PGR: variants seen among roughly 807,000 people sequenced by gnomAD.
PGR encodes the protein progesterone receptor.
PGR carries 25 observed loss-of-function variants against 76.1 expected under a neutral mutation model. The ratio of observed to expected loss-of-function variants is 0.33; its 90% CI spans 0.24 to 0.46. PGR has a LOEUF of 0.46. PGR is among the 20% of genes least tolerant of loss of function. PGR has a pLI of 1.00. For synonymous variants in PGR, 579 were observed against 535.0 expected (o/e 1.08, Z -1.14); for missense variants, 1,172 against 1,225.3 (o/e 0.96, Z 0.65).
intron 4 of PGR, among the ~76,000 whole-genome samples, chr11:101,057,802 G>A (rs1860345976): frequency 6.6e-6 from 1 of 152,140 alleles, no homozygotes; most frequent in Non-Finnish European, 1.5e-5. Context: ...ACTGGAAAAG[G>A]CCTTAGGTTT....
At chr11:101,092,202 T>G (rs1406726447) in intron 2 of PGR, among the ~76,000 whole-genome samples, 1 of 152,200 alleles carries the variant, frequency 6.6e-6, no homozygotes, top group Non-Finnish European at 1.5e-5. Flanking sequence ...TAGCTACACG[T>G]TTCTGATAAG....
At chr11:101,110,258 A>C (rs1217395424) in intron 2 of PGR, among the ~76,000 whole-genome samples, 1 of 152,224 alleles carries the variant, frequency 6.6e-6, no homozygotes, top group Non-Finnish European at 1.5e-5. Context: ...TCCTCTGATG[A>C]ATCTGGGCAA....
intron 4 of PGR, among the ~76,000 whole-genome samples, chr11:101,059,872 A>G (rs1860431149): frequency 6.6e-6 from 1 of 150,860 alleles, no homozygotes; most frequent in African/African-American, 2.4e-5. Context: ...GAAAAAAAAG[A>G]AAAGAAACAA....
At chr11:101,087,367 C>T (rs1409500093) in intron 3 of PGR, among the ~76,000 whole-genome samples, 1 of 152,134 alleles carries the variant, frequency 6.6e-6, no homozygotes, top group Non-Finnish European at 1.5e-5. Context: ...GCTGGGATAC[C>T]TACCTAGTCA....
rs948446042 is a variant in PGR, at chr11:101,030,571, C to T, written c.*8545G>A. The T allele has an allele frequency of 8.9e-6, 2 of 223,656 alleles. No homozygotes were observed. Among genetic ancestry groups the T allele is most frequent in the African/African-American group, 4.5e-5 (2 of 44,782 alleles). 13.9% of individuals were successfully genotyped at this position (223,656 alleles called of 1,614,324 possible). On this transcript the variant is annotated 3_prime_UTR_variant, in exon 8 of 8. Coordinates refer to ENST00000325455, the MANE Select transcript of PGR (RefSeq NM_000926.4). ...AATCTTTGTGTTTTTCTCTTTGGCACTGGACCTTTCTCCTGGTCAGTTGGA... is the reference window on the plus strand; with the variant it reads ...AATCTTTGTGTTTTTCTCTTTGGCATTGGACCTTTCTCCTGGTCAGTTGGA...
At position 101,041,941 on chromosome 11, in the gene PGR, T is replaced by A; in HGVS notation, c.2646+4A>T. ...TGATATTCTGGAATCAACCAAATAC[T>A]TACATCATGCAAGTTATCAAGAAGT... On this transcript the variant is annotated splice_donor_region_variant and intron_variant, in intron 7 of 7. Coordinates refer to ENST00000325455, the MANE Select transcript of PGR (RefSeq NM_000926.4). 1 of 1,611,540 alleles carries A rather than the reference T, an allele frequency of 6.2e-7. No homozygotes were observed. Among genetic ancestry groups the A allele is most frequent in the Non-Finnish European group, 8.5e-7 (1 of 1,177,892 alleles).
rs781160929 is a variant in PGR, at chr11:101,128,465, G to T, written c.606C>A (p.Ser202Arg). The T allele has an allele frequency of 1.9e-5, 30 of 1,608,560 alleles. No individual in the cohort carries two copies. In the East Asian group the frequency reaches 5.8e-4, roughly 31 times the overall value. ...TCACTGGGGCCCCGGACCAGTGAGG[G>T]CTCTCAGAGGCCGGGAGCAGCAGCT... is the stretch of plus-strand genomic sequence containing the variant. ...ARQLLLPASESPHWSGAPVKP... is the reference protein window; with the variant it reads ...ARQLLLPASERPHWSGAPVKP... Residue 202 changes from serine to arginine, a missense_variant, in exon 1 of 8, where the codon AGC becomes AGA. By Grantham distance (110) the Ser-to-Arg change is moderately radical. This residue lies in a region of PGR where 893 missense variants were observed against 785.9 expected (regional missense o/e 1.14). Coordinates refer to ENST00000325455, the MANE Select transcript of PGR (RefSeq NM_000926.4).
rs1310908082 is a variant in PGR, at chr11:101,128,107, G to T, written c.964C>A (p.Gln322Lys). ...TCGTAACTTTCGTCTTCCAGCAGCT[G>T]CCGAGTGCGGGCTGCCAATAAGGCG... ...NHALLAARTR[Q>K]LLEDESYDGG... The change falls in exon 1 of 8, where the codon CAG becomes AAG. Residue 322 changes from glutamine (Q) to lysine (K), a missense_variant. By Grantham distance (53) the Gln-to-Lys change is moderately conservative (BLOSUM62 1). Transcript: ENST00000325455. The T allele has an allele frequency of 6.3e-7, 1 of 1,598,960 alleles. No homozygotes were observed. The highest frequency in any genetic ancestry group is 1.1e-5 in the South Asian group (1 of 91,074).
chr11:101,091,910 A>G lies in PGR; in HGVS notation c.1790-34T>C, dbSNP rs772737723. 191 of 1,040,194 alleles carry G rather than the reference A, an allele frequency of 1.8e-4. 3 individuals carry two copies. In the Admixed American group the frequency reaches 1.9e-3, roughly 10 times the overall value. The allele number at this position is 1,040,194 out of a possible 1,614,324, so 64.4% of individuals were successfully genotyped here. A position where few individuals can be genotyped will look rare whatever the true frequency, so the allele number is the denominator to read the frequency against. ...ACAAAATGAGTCAAAATTATTTACAATATCTAAGATTCACTGGAAATTCTA... is the reference window on the plus strand; with the variant it reads ...ACAAAATGAGTCAAAATTATTTACAGTATCTAAGATTCACTGGAAATTCTA... On this transcript the variant is annotated intron_variant, in intron 2 of 7. Transcript: ENST00000325455.
rs781645407 is a variant in PGR at position 101,128,819 on chromosome 11, C to T, written c.252G>A (p.Glu84=). 1 of 1,614,198 alleles carries T rather than the reference C, an allele frequency of 6.2e-7. No homozygotes were observed. Among genetic ancestry groups the T allele is most frequent in the Non-Finnish European group, 8.5e-7 (1 of 1,180,040 alleles). The change falls in exon 1 of 8, where the codon GAG becomes GAA. Residue 84 remains glutamate (E), a synonymous_variant. Transcript: ENST00000325455. ...TQDQQSLSDV[E]GAYSRAEATR... ...TAGCTTCAGCTCTGGAATATGCGCC[C>T]TCCACGTCCGACAGCGACTGCTGGT...
Position 101,129,004 on chromosome 11 carries a change from C to A in PGR, c.67G>T (p.Val23Phe). 1.3e-6 allele frequency: 2 copies of A among 1,581,256 alleles called. No homozygotes were observed. The highest frequency in any genetic ancestry group is 1.7e-6 in the Non-Finnish European group (2 of 1,163,904). ...GGGCGACACAGCAGTGGGGATCCGA[C>A]CTCGGGGGAGGGCGGGCCGCCCGCC... is the stretch of plus-strand genomic sequence containing the variant. ...HVAGGPPSPE[V>F]GSPLLCRPAA... Residue 23 changes from valine (V) to phenylalanine (F), a missense_variant, in exon 1 of 8, where the codon GTC becomes TTC. Around this residue, in one of 4 missense-constraint regions of PGR, gnomAD observed 893 missense variants for 785.9 expected, o/e 1.14. Coordinates refer to ENST00000325455, the MANE Select transcript of PGR (RefSeq NM_000926.4).
At chr11:101,046,969 G>T (rs1859909449) in intron 6 of PGR, among the ~76,000 whole-genome samples, 1 of 152,076 alleles carries the variant, frequency 6.6e-6, no homozygotes, top group South Asian at 2.1e-4. Context: ...TGGATTTTCA[G>T]TAGGTTTGTC....
At chr11:101,123,700 T>C (rs1862750177) in intron 2 of PGR, among the ~76,000 whole-genome samples, 1 of 152,198 alleles carries the variant, frequency 6.6e-6, no homozygotes. Flanking sequence ...GTAGACTTCT[T>C]CATCATTCAA....
At chr11:101,076,897 T>G (rs1215346483) in intron 3 of PGR, among the ~76,000 whole-genome samples, 2 of 150,072 alleles carry the variant, frequency 1.3e-5, no homozygotes, top group Non-Finnish European at 3.0e-5. Flanking sequence ...ATCTTTACTA[T>G]TTTTTTAAAA....
chr11:101,094,902 G>A (rs907970771), intron 2 of PGR, among the ~76,000 whole-genome samples: 2 of 152,118 alleles, frequency 1.3e-5, no homozygotes, highest in Non-Finnish European at 2.9e-5. Flanking sequence ...GGGCTTGAGG[G>A]AGTGAATTTG....
At chr11:101,076,607 T>C (rs902551438) in intron 3 of PGR, among the ~76,000 whole-genome samples, 2 of 152,042 alleles carry the variant, frequency 1.3e-5, no homozygotes, top group African/African-American at 4.8e-5. Context: ...TATATGTGAC[T>C]GAATCTGGAT....
intron 3 of PGR, among the ~76,000 whole-genome samples, chr11:101,090,628 T>A (rs936382734): frequency 2.0e-5 from 3 of 152,364 alleles, no homozygotes; most frequent in Admixed American, 1.3e-4. Context: ...TTTAATCTGC[T>A]GAGGTTGTGG....
chr11:101,040,523 G>A (rs1285993755), intron 7 of PGR, among the ~76,000 whole-genome samples: 2 of 152,032 alleles, frequency 1.3e-5, no homozygotes, highest in Non-Finnish European at 2.9e-5. Flanking sequence ...GTTTGGCTAG[G>A]TATGAAATTC....
chr11:101,119,167 G>A (rs983381487), intron 2 of PGR, among the ~76,000 whole-genome samples: 2 of 152,106 alleles, frequency 1.3e-5, no homozygotes, highest in Admixed American at 6.5e-5. Flanking sequence ...TGTAATTCTC[G>A]CTTGGCCACT....
Sources: allele counts gnomAD v4.1 joint callset (sites outside exome capture counted in the v4.1 genomes callset), GRCh38; gene constraint gnomAD v4.1.1; regional missense constraint gnomAD v4.1.1; transcripts MANE v1.5; gene names NCBI Gene and HGNC (gene_info 2026-07-23, HGNC 2026-07-21).